Variants in HADHA observed in about 807,000 individuals in gnomAD.
HADHA encodes trifunctional enzyme subunit alpha, mitochondrial.
A neutral mutation model predicts 91.3 loss-of-function variants in HADHA; 59 were observed. That is an observed-to-expected ratio of 0.65 (90% CI 0.52 to 0.80). The LOEUF (loss-of-function observed/expected upper bound fraction) is 0.80, where lower values mean the gene tolerates loss of function less well. HADHA is among the 30% of genes least tolerant of loss of function. The probability of loss-of-function intolerance (pLI) is 0.00; values close to 1 mark genes in which losing one functional copy is unlikely to be tolerated. For synonymous variants in HADHA, 320 were observed against 338.9 expected, an observed-to-expected ratio of 0.94 and a Z score of 0.61; for missense variants, 800 against 927.6, an observed-to-expected ratio of 0.86 and a Z score of 1.79.
chr2:26,215,044 G>C lies in HADHA; in HGVS notation c.799+9C>G. 1 of 1,606,786 alleles carries C rather than the reference G, an allele frequency of 6.2e-7. No individual in the cohort carries two copies. Among genetic ancestry groups the C allele is most frequent in the Non-Finnish European group, 8.5e-7 (1 of 1,173,392 alleles). Reference sequence around the variant, plus strand: ...AGCTTTGCCTTTGTTCTTTAACAATGATACTCACTTTCCACCAATCCCTTG... The same window carrying C: ...AGCTTTGCCTTTGTTCTTTAACAATCATACTCACTTTCCACCAATCCCTTG... On this transcript the variant is annotated intron_variant, in intron 8 of 19. Transcript: ENST00000380649.
chr2:26,226,752 T>C (rs1457579630), intron 7 of HADHA, among the ~76,000 whole-genome samples: 1 of 152,146 alleles, frequency 6.6e-6, no homozygotes, highest in African/African-American at 2.4e-5. Flanking sequence ...CTTAGTGATA[T>C]TGAGTTAGAA....
chr2:26,240,551 T>A (rs1346798146), intron 1 of HADHA, among the ~76,000 whole-genome samples: 1 of 152,096 alleles, frequency 6.6e-6, no homozygotes, highest in Non-Finnish European at 1.5e-5. Flanking sequence ...TGATTGGGAA[T>A]GCAGGTTGAG....
chr2:26,204,252 A>C, intron 11 of HADHA, 56 bp from the exon 12 acceptor site: 1 of 1,537,154 alleles, frequency 6.5e-7, no homozygotes. Context: ...ATTTCAGTCA[A>C]AGTGGAAGAT....
intron 7 of HADHA, among the ~76,000 whole-genome samples, chr2:26,228,894 G>A (rs1049484952): frequency 6.6e-6 from 1 of 151,998 alleles, no homozygotes; most frequent in African/African-American, 2.4e-5. Flanking sequence ...TGTCCAGGCT[G>A]GTCTTGAATT....
At chr2:26,243,418 C>G (rs969801950) in intron 1 of HADHA, 10 of 151,706 alleles carry the variant, frequency 6.6e-5, no homozygotes, top group African/African-American at 2.4e-4. Context: ...TTTTTCATCT[C>G]TTTCCTCAAT....
In HADHA at chr2:26,236,451, C is replaced by A. The variant is rs536632366; in HGVS notation, c.314+404G>T. Among the ~76,000 whole-genome samples the A allele has an allele frequency of 4.2e-3, 631 of 150,114 alleles. 3 individuals carry two copies. Among genetic ancestry groups the A allele is most frequent in the African/African-American group, 0.015 (618 of 40,618 alleles). On this transcript the variant is annotated intron_variant, in intron 4 of 19. Transcript: ENST00000380649. Reference sequence around the variant, plus strand: ...ACTTTTTTTTTTTAAGACAGTCTCACTCTGTCACCCAGGCTGGAGTGCAGT... The same window carrying A: ...ACTTTTTTTTTTTAAGACAGTCTCAATCTGTCACCCAGGCTGGAGTGCAGT...
At chr2:26,237,755 T>A (rs1173015807) in intron 3 of HADHA, among the ~76,000 whole-genome samples, 1 of 152,244 alleles carries the variant, frequency 6.6e-6, no homozygotes. Context: ...ATTATGAATG[T>A]TTATTATTTT....
intron 12 of HADHA, 96 bp downstream of exon 12, chr2:26,203,966 C>T: frequency 8.1e-7 from 1 of 1,227,286 alleles, no homozygotes; most frequent in Non-Finnish European, 1.2e-6. Context: ...ATGGCAAGAA[C>T]AAACAAACAA....
intron 7 of HADHA, among the ~76,000 whole-genome samples, chr2:26,220,024 C>T (rs529986587): frequency 1.6e-4 from 24 of 152,292 alleles, no homozygotes; most frequent in African/African-American, 5.1e-4. Flanking sequence ...TTTCTCCTAC[C>T]CTTCCCCAAA....
In HADHA at chr2:26,212,639, T is replaced by A; in HGVS notation, c.919-13A>T. 6.4e-7 allele frequency: 1 copy of A among 1,572,650 alleles called. No homozygotes were observed. The highest frequency in any genetic ancestry group is 2.2e-5 in the East Asian group (1 of 44,692). On this transcript the variant is annotated splice_polypyrimidine_tract_variant and intron_variant, in intron 9 of 19. Transcript: ENST00000380649. ...CAGTCTTTACCACCTAAAAAACATA[T>A]AAAGCACTTGCTCAGCGTTGGAATA...
At chr2:26,204,863 C>T (rs1305597769) in intron 11 of HADHA, among the ~76,000 whole-genome samples, 2 of 152,096 alleles carry the variant, frequency 1.3e-5, no homozygotes, top group Non-Finnish European at 2.9e-5. Context: ...GATGGGATTA[C>T]AGGTGTGAGC....
At chr2:26,235,271 T>C (rs1426548508) in intron 4 of HADHA, 1 of 152,250 alleles carries the variant, frequency 6.6e-6, no homozygotes, top group Non-Finnish European at 1.5e-5. Flanking sequence ...ATCGCACCAC[T>C]GTACTCCAGC....
chr2:26,240,067 C>T (rs1372326215), intron 1 of HADHA, among the ~76,000 whole-genome samples: 1 of 152,146 alleles, frequency 6.6e-6, no homozygotes, highest in Admixed American at 6.5e-5. Flanking sequence ...ATCATGACTC[C>T]ACTCTTTTCC....
intron 3 of HADHA, 144 bp from the exon 4 acceptor site, chr2:26,237,132 C>T: frequency 1.4e-6 from 1 of 735,198 alleles, no homozygotes; most frequent in Non-Finnish European, 2.4e-6. Flanking sequence ...ATATCATTCT[C>T]CCAGCAAGTC....
At chr2:26,236,340 T>TGG (rs1491484455) in intron 4 of HADHA, among the ~76,000 whole-genome samples, 3 of 52,548 alleles carry the variant, frequency 5.7e-5, no homozygotes, top group Non-Finnish European at 1.7e-4. Context: ...GATCACATGA[T>TGG]GTGTGTGTGT....
intron 4 of HADHA, among the ~76,000 whole-genome samples, chr2:26,235,612 T>C (rs1483966027): frequency 6.6e-6 from 1 of 152,240 alleles, no homozygotes; most frequent in Non-Finnish European, 1.5e-5. Flanking sequence ...AATTATCTTA[T>C]CAAGTGGTTT....
intron 1 of HADHA, among the ~76,000 whole-genome samples, chr2:26,241,509 G>T (rs572414731): frequency 1.3e-5 from 2 of 151,992 alleles, no homozygotes; most frequent in South Asian, 2.1e-4. Context: ...AAGTTAGCTG[G>T]GCGTGGTGGC....
chr2:26,211,358 C>T (rs1041425267), intron 10 of HADHA, among the ~76,000 whole-genome samples: 1 of 151,478 alleles, frequency 6.6e-6, no homozygotes, highest in African/African-American at 2.4e-5. Context: ...TGTCCTTTTA[C>T]AGGTTGAGCA....
chr2:26,205,917 A>T (rs1224902208), intron 11 of HADHA, among the ~76,000 whole-genome samples: 1 of 152,192 alleles, frequency 6.6e-6, no homozygotes, highest in Non-Finnish European at 1.5e-5. Flanking sequence ...AAAACAGAAC[A>T]TGCATATATC....
Sources: gnomAD v4.1 joint callset for allele counts (sites outside exome capture counted in the v4.1 genomes callset) on GRCh38, gnomAD v4.1.1 for gene constraint, MANE v1.5 for transcripts, NCBI Gene and HGNC (gene_info 2026-07-23, HGNC 2026-07-21) for gene names.